Variants in PLEKHA2 observed in about 807,000 individuals in gnomAD.
PLEKHA2 encodes pleckstrin homology domain containing A2.
PLEKHA2 carries 28 observed loss-of-function variants against 53.2 expected under a neutral mutation model. That is an observed-to-expected ratio of 0.53 (90% CI 0.39 to 0.72). The LOEUF is 0.72. PLEKHA2 is among the 30% of genes least tolerant of loss of function. The pLI is 0.00. For synonymous variants in PLEKHA2, 193 were observed against 196.4 expected, an observed-to-expected ratio of 0.98 and a Z score of 0.14; for missense variants, 426 against 537.9, an observed-to-expected ratio of 0.79 and a Z score of 2.06.
intron 1 of PLEKHA2, among the ~76,000 whole-genome samples, chr8:38,917,650 C>G (rs1284516821): frequency 6.6e-6 from 1 of 152,206 alleles, no homozygotes; most frequent in African/African-American, 2.4e-5. Flanking sequence ...CTGGGCTTAT[C>G]TCCTCTATGG....
intron 10 of PLEKHA2, among the ~76,000 whole-genome samples, chr8:38,965,426 G>C (rs1835118654): frequency 6.6e-6 from 1 of 152,138 alleles, no homozygotes. Context: ...CTGATTATCG[G>C]ATTGTCATCC....
At chr8:38,906,467 A>G (rs1212735921) in intron 1 of PLEKHA2, among the ~76,000 whole-genome samples, 1 of 151,902 alleles carries the variant, frequency 6.6e-6, no homozygotes, top group African/African-American at 2.4e-5. Flanking sequence ...CTCTACTCCA[A>G]GTTCTAGGGT....
chr8:38,922,898 C>T lies in PLEKHA2; in HGVS notation c.141+4828C>T, dbSNP rs1001079533. Among the ~76,000 whole-genome samples, 1 of 152,154 alleles carries T rather than the reference C, an allele frequency of 6.6e-6. No individual in the cohort carries two copies. The highest frequency in any genetic ancestry group is 2.4e-5 in the African/African-American group (1 of 41,428). On this transcript the variant is annotated intron_variant, in intron 2 of 11. Transcript: ENST00000617275. The surrounding 1 kb of genome is among the most constrained non-coding windows in gnomAD (Gnocchi z 4.0). The stretch of plus-strand genomic sequence containing the variant: ...AATGCAGCGCTGGAGCCAGGTCCAT[C>T]GACTCAAGTGTGCAACCTCCTCTTT...
chr8:38,959,667 T>G (rs909123075), intron 10 of PLEKHA2, among the ~76,000 whole-genome samples: 2 of 152,088 alleles, frequency 1.3e-5, no homozygotes, highest in African/African-American at 4.8e-5. Context: ...TGTTAATAAT[T>G]TAGTGAAGGA....
intron 10 of PLEKHA2, among the ~76,000 whole-genome samples, chr8:38,967,087 G>A (rs1835152418): frequency 6.6e-6 from 1 of 152,048 alleles, no homozygotes; most frequent in South Asian, 2.1e-4. Context: ...TAAGATAATA[G>A]TTTCATCTAT....
Position 38,969,552 on chromosome 8 carries a change from T to A in PLEKHA2, c.1047T>A (p.Ser349=). Residue 349 remains serine (S), a synonymous_variant, in exon 12 of 12, where the codon TCT becomes TCA. Transcript: ENST00000617275. Reference sequence around the variant, plus strand: ...AGAAAGCCCTCTGCAAAGCCCCCTCTGTGGCCTCCTCCTGGCAGCCCTGGA... The same window carrying A: ...AGAAAGCCCTCTGCAAAGCCCCCTCAGTGGCCTCCTCCTGGCAGCCCTGGA... ...EEKKALCKAP[S]VASSWQPWTP... is the part of the protein sequence containing the mutation. The A allele has an allele frequency of 2.5e-6, 4 of 1,612,364 alleles. No homozygotes were observed. Among genetic ancestry groups the A allele is most frequent in the Middle Eastern group, 1.7e-4 (1 of 6,058 alleles).
At chr8:38,943,877 C>T in intron 4 of PLEKHA2, 40 bp downstream of exon 4, 1 of 1,498,172 alleles carries the variant, frequency 6.7e-7, no homozygotes, top group Non-Finnish European at 9.0e-7. Flanking sequence ...TTAATATTGA[C>T]ATGGCAACTT....
At chr8:38,906,374 A>C (rs1833873642) in intron 1 of PLEKHA2, among the ~76,000 whole-genome samples, 1 of 152,162 alleles carries the variant, frequency 6.6e-6, no homozygotes, top group South Asian at 2.1e-4. Flanking sequence ...TCTTTATTGC[A>C]GTGGTATCAA....
rs1036527624 is a variant in PLEKHA2, at chr8:38,922,865, A to G, written c.141+4795A>G. On this transcript the variant is annotated intron_variant, in intron 2 of 11. Coordinates refer to ENST00000617275, the MANE Select transcript of PLEKHA2 (RefSeq NM_021623.2). This position sits in a 1 kb window ranked among gnomAD's most constrained non-coding sequence, Gnocchi z 4.0. ...TGTTACTCTTTGCTCATGGTTGTGC[A>G]GGTGGTAAATGCAGCGCTGGAGCCA... Among the ~76,000 whole-genome samples, 1 of 152,168 alleles carries G rather than the reference A, an allele frequency of 6.6e-6. No homozygotes were observed. The highest frequency in any genetic ancestry group is 6.5e-5 in the Admixed American group (1 of 15,276).
chr8:38,937,494 A>G (rs968026720), intron 3 of PLEKHA2, among the ~76,000 whole-genome samples: 5 of 151,788 alleles, frequency 3.3e-5, no homozygotes, highest in Non-Finnish European at 7.4e-5. Context: ...AGGGTTTGGG[A>G]AGCCTTTTTT....
intron 10 of PLEKHA2, among the ~76,000 whole-genome samples, chr8:38,962,649 C>G (rs1053556567): frequency 4.6e-5 from 7 of 152,212 alleles, no homozygotes; most frequent in Non-Finnish European, 1.0e-4. Context: ...CACCATTTCC[C>G]CATTTCCCAT....
chr8:38,965,452 CTGTT>C (rs1413674052), intron 10 of PLEKHA2, among the ~76,000 whole-genome samples: 2 of 152,162 alleles, frequency 1.3e-5, no homozygotes, highest in Non-Finnish European at 2.9e-5. Flanking sequence ...ATGTTCCTGT[CTGTT>C]TAATGAAAAT....
chr8:38,939,878 G>T (rs901718258), intron 3 of PLEKHA2, among the ~76,000 whole-genome samples: 16 of 152,036 alleles, frequency 1.1e-4, no homozygotes, highest in Non-Finnish European at 4.4e-5. Context: ...TTGAGGCCAG[G>T]AGTTCAAGAC....
chr8:38,952,555 C>T lies in PLEKHA2; in HGVS notation c.634-81C>T. On this transcript the variant is annotated intron_variant, in intron 7 of 11. Coordinates refer to ENST00000617275, the MANE Select transcript of PLEKHA2 (RefSeq NM_021623.2). ...AGCCGGACTTCCATGGGGCTGGGTC[C>T]TTGGGAGCTTAGCATGAGTACACCC... The T allele has an allele frequency of 5.4e-6, 8 of 1,481,482 alleles. No homozygotes were observed. In the South Asian group the frequency reaches 9.4e-5, roughly 17 times the overall value. 91.8% of individuals were successfully genotyped at this position (1,481,482 alleles called of 1,614,324 possible).
chr8:38,907,630 G>A (rs901144114), intron 1 of PLEKHA2, among the ~76,000 whole-genome samples: 1 of 151,924 alleles, frequency 6.6e-6, no homozygotes, highest in African/African-American at 2.4e-5. Context: ...GTATGGTGGT[G>A]CACGCCTGTA....
intron 10 of PLEKHA2, among the ~76,000 whole-genome samples, chr8:38,962,226 C>A (rs558782179): frequency 6.6e-6 from 1 of 152,210 alleles, no homozygotes; most frequent in African/African-American, 2.4e-5. Flanking sequence ...CAGTGGCTCA[C>A]ACCTCTAATC....
Position 38,967,114 on chromosome 8 carries a change from C to T in PLEKHA2, c.838-1478C>T, listed in dbSNP as rs577926237. Among the ~76,000 whole-genome samples the T allele has an allele frequency of 2.0e-4, 30 of 152,252 alleles. No individual in the cohort carries two copies. In the South Asian group the frequency reaches 6.0e-3, roughly 31 times the overall value. On this transcript the variant is annotated intron_variant, in intron 10 of 11. Coordinates refer to ENST00000617275, the MANE Select transcript of PLEKHA2 (RefSeq NM_021623.2). Reference sequence around the variant, plus strand: ...TTCATCTATATTTCTGCAAAAGACACGATTTCATTCATTTTTATAGATGAG... The same window carrying T: ...TTCATCTATATTTCTGCAAAAGACATGATTTCATTCATTTTTATAGATGAG...
chr8:38,960,893 AT>A (rs1835029013), intron 10 of PLEKHA2: 1 of 152,202 alleles, frequency 6.6e-6, no homozygotes, highest in Non-Finnish European at 1.5e-5. Context: ...CCATTGGTCA[AT>A]TTTGCACTTT....
chr8:38,929,728 C>T (rs1351448359), intron 2 of PLEKHA2, among the ~76,000 whole-genome samples: 1 of 152,212 alleles, frequency 6.6e-6, no homozygotes, highest in African/African-American at 2.4e-5. Flanking sequence ...TTTGCCAAAG[C>T]ACCAGATTGA....
Sources: allele counts gnomAD v4.1 joint callset (sites outside exome capture counted in the v4.1 genomes callset), GRCh38; gene constraint gnomAD v4.1.1; non-coding constraint Gnocchi (gnomAD v3.1); transcripts MANE v1.5; gene names NCBI Gene and HGNC (gene_info 2026-07-23, HGNC 2026-07-21).